The following CDH13 variants were observed in gnomAD, a reference collection of about 807,000 sequenced individuals.
The protein encoded by CDH13 is cadherin-13.
CDH13 carries 24 observed loss-of-function variants against 63.8 expected under a neutral mutation model. The ratio of observed to expected loss-of-function variants is 0.38; its 90% CI spans 0.27 to 0.53. The LOEUF is 0.53. Ranked by LOEUF, CDH13 falls within the 20% of genes least tolerant of loss-of-function variation. The pLI is 0.85. For synonymous variants in CDH13, 503 were observed against 355.3 expected (o/e 1.42, Z -4.67); for missense variants, 1,049 against 903.1 (o/e 1.16, Z -2.07).
intron 7 of CDH13, among the ~76,000 whole-genome samples, chr16:83,543,201 C>G (rs544298303): frequency 1.3e-5 from 2 of 152,298 alleles, no homozygotes; most frequent in African/African-American, 4.8e-5. Flanking sequence ...TCGATATTTT[C>G]CTGATGTTGC....
intron 13 of CDH13, 61 bp downstream of exon 13, chr16:83,783,533 G>C: frequency 3.1e-6 from 4 of 1,304,598 alleles, no homozygotes; most frequent in Non-Finnish European, 4.4e-6. Flanking sequence ...CTGGGTTCGT[G>C]AAGCCAGCAT....
At chr16:83,623,041 G>T (rs6563948) in intron 8 of CDH13, among the ~76,000 whole-genome samples, 19,750 of 152,224 alleles carry the variant, frequency 0.13, 1,398 homozygotes, top group African/African-American at 0.19. Flanking sequence ...GTCTGGGAAG[G>T]TCAGCTCATG....
intron 10 of CDH13, among the ~76,000 whole-genome samples, chr16:83,703,795 A>G (rs1339908219): frequency 6.6e-6 from 1 of 152,176 alleles, no homozygotes; most frequent in Non-Finnish European, 1.5e-5. Flanking sequence ...TTTCTTTTCT[A>G]CAGTTCTCTC....
intron 7 of CDH13, among the ~76,000 whole-genome samples, chr16:83,532,766 C>G (rs2075108264): frequency 6.6e-6 from 1 of 152,234 alleles, no homozygotes; most frequent in Non-Finnish European, 1.5e-5. Context: ...GAGCGATCCT[C>G]TCCCTCTGTC....
chr16:82,956,828 ATGGGTTTGGATGCCATAG>A (rs957309042), intron 2 of CDH13, among the ~76,000 whole-genome samples: 2 of 152,176 alleles, frequency 1.3e-5, no homozygotes, highest in African/African-American at 4.8e-5. Flanking sequence ...TAATTAGGAT[ATGGGTTTGGATGCCATAG>A]CAAAGATTCA....
intron 5 of CDH13, among the ~76,000 whole-genome samples, chr16:83,269,607 T>A (rs981813625): frequency 1.3e-5 from 2 of 152,184 alleles, no homozygotes; most frequent in Non-Finnish European, 2.9e-5. Context: ...CCCAAAAGAA[T>A]GAGGGTTATG....
At chr16:83,016,056 G>C (rs1354000670) in intron 2 of CDH13, among the ~76,000 whole-genome samples, 2 of 152,072 alleles carry the variant, frequency 1.3e-5, no homozygotes, top group African/African-American at 2.4e-5. Flanking sequence ...CAAGTGGCAA[G>C]GCACTCTTGG....
In CDH13 at chr16:82,679,576, T is replaced by C. The variant is rs750972875; in HGVS notation, c.45+52439T>C. On this transcript the variant is annotated intron_variant, in intron 1 of 13. Transcript: ENST00000567109. ...CAAGGTCAGCATAATCTAGTACATA[T>C]GAACTCACTCACGCTCCTGCATCAG... Among the ~76,000 whole-genome samples the C allele has an allele frequency of 3.5e-4, 53 of 152,304 alleles. 1 individual carries two copies. Among genetic ancestry groups the C allele is most frequent in the African/African-American group, 1.3e-3 (52 of 41,576 alleles).
chr16:82,720,488 T>G (rs1456019309), intron 1 of CDH13, among the ~76,000 whole-genome samples: 2 of 152,160 alleles, frequency 1.3e-5, no homozygotes, highest in Non-Finnish European at 2.9e-5. Flanking sequence ...CAGGACATCA[T>G]TCCATCGCAG....
chr16:82,680,730 G>C (rs1049541963), intron 1 of CDH13, among the ~76,000 whole-genome samples: 5 of 152,108 alleles, frequency 3.3e-5, no homozygotes, highest in Admixed American at 1.3e-4. Context: ...AACTAACGAA[G>C]GAACTTTCCG....
intron 6 of CDH13, among the ~76,000 whole-genome samples, chr16:83,380,937 C>T (rs1281335274): frequency 3.3e-5 from 5 of 152,080 alleles, no homozygotes. Context: ...GCCCTCCCTC[C>T]CTTCTCAGAG....
intron 5 of CDH13, among the ~76,000 whole-genome samples, chr16:83,283,481 C>G (rs2089234253): frequency 6.6e-6 from 1 of 152,154 alleles, no homozygotes; most frequent in Non-Finnish European, 1.5e-5. Context: ...ATCCCAACTA[C>G]TTGGGAGGCT....
At chr16:83,765,518 G>A (rs1255934137) in intron 11 of CDH13, among the ~76,000 whole-genome samples, 1 of 149,776 alleles carries the variant, frequency 6.7e-6, no homozygotes, top group African/African-American at 2.5e-5. Context: ...ACTTTTTGTT[G>A]GCTTACTATT....
intron 7 of CDH13, among the ~76,000 whole-genome samples, chr16:83,559,574 GAA>G (rs10564377): frequency 0.41 from 60,602 of 147,298 alleles, 12,963 homozygotes; most frequent in African/African-American, 0.56. Flanking sequence ...TGTATAAAAA[GAA>G]AGAGAGAGAG....
rs1417314601 is a variant in CDH13, at chr16:83,795,138, T to C, written c.*108T>C. The C allele has an allele frequency of 1.4e-5, 12 of 864,200 alleles. No homozygotes were observed. The highest frequency in any genetic ancestry group is 2.6e-5 in the Admixed American group (1 of 37,824). 53.5% of individuals were successfully genotyped at this position (864,200 alleles called of 1,614,324 possible). A position where few individuals can be genotyped will look rare whatever the true frequency, so the allele number is the denominator to read the frequency against. On this transcript the variant is annotated 3_prime_UTR_variant, in exon 14 of 14. Coordinates refer to ENST00000567109, the MANE Select transcript of CDH13 (RefSeq NM_001257.5). ...GTTTACAGCTATCGAACTTCACAAC[T>C]AGGCCTCAATTGTTCCGGTTTTTTA... is the stretch of plus-strand genomic sequence containing the variant.
chr16:83,365,701 C>A (rs553408773), intron 6 of CDH13, among the ~76,000 whole-genome samples: 2 of 152,192 alleles, frequency 1.3e-5, no homozygotes, highest in South Asian at 4.2e-4. Context: ...AAGAGGAAGG[C>A]AAGAGAGTGA....
At chr16:83,730,657 TTGGTTTG>T (rs1910936506) in intron 10 of CDH13, among the ~76,000 whole-genome samples, 1 of 152,206 alleles carries the variant, frequency 6.6e-6, no homozygotes, top group Non-Finnish European at 1.5e-5. Flanking sequence ...TTTTCGTTTT[TTGGTTTG>T]TGGTTTTTTT....
chr16:83,216,074 T>G (rs1363754341), intron 4 of CDH13, among the ~76,000 whole-genome samples: 3 of 151,682 alleles, frequency 2.0e-5, no homozygotes, highest in African/African-American at 7.3e-5. Context: ...TGCAAAACTT[T>G]CCAGACTCTT....
chr16:83,171,479 T>C (rs1279635862), intron 4 of CDH13: 33 of 1,480,518 alleles, frequency 2.2e-5, no homozygotes, highest in Non-Finnish European at 2.8e-5. Context: ...AGGTTACTCA[T>C]TCTATGAAAA....
Sources: allele counts gnomAD v4.1 joint callset (sites outside exome capture counted in the v4.1 genomes callset), GRCh38; gene constraint gnomAD v4.1.1; transcripts MANE v1.5; gene names NCBI Gene and HGNC (gene_info 2026-07-23, HGNC 2026-07-21).